Variants in ASZ1 observed in about 807,000 individuals in gnomAD.
The protein encoded by ASZ1 is ankyrin repeat, SAM and basic leucine zipper domain-containing protein 1.
In ASZ1, 67 loss-of-function variants were observed where a neutral mutation model predicts 61.8. The observed-to-expected ratio is 1.08, with a 90% CI of 0.89 to 1.33. ASZ1 has a LOEUF of 1.33. ASZ1 is among the 40% of genes most tolerant of loss of function. The pLI, the probability that ASZ1 is intolerant of heterozygous loss-of-function variation, is 0.00. For missense variants in ASZ1, 577 were observed against 554.5 expected (o/e 1.04, Z -0.41); for synonymous variants, 193 against 192.7 (o/e 1.00, Z -0.01).
intron 4 of ASZ1, among the ~76,000 whole-genome samples, chr7:117,393,050 T>C (rs938169729): frequency 7.9e-5 from 12 of 152,038 alleles, no homozygotes; most frequent in African/African-American, 2.9e-4. Context: ...TTTCACCACG[T>C]TGGCCAGGCT....
intron 4 of ASZ1, among the ~76,000 whole-genome samples, chr7:117,399,782 T>C (rs969139069): frequency 1.3e-5 from 2 of 152,150 alleles, no homozygotes; most frequent in African/African-American, 4.8e-5. Flanking sequence ...AATTAGATAA[T>C]GGTGATGGTT....
At chr7:117,401,073 A>G (rs1796671887) in intron 4 of ASZ1, among the ~76,000 whole-genome samples, 1 of 152,222 alleles carries the variant, frequency 6.6e-6, no homozygotes, top group Non-Finnish European at 1.5e-5. Flanking sequence ...CGAAAAGCTA[A>G]TAGATGGGTT....
At chr7:117,397,403 C>T (rs1268432403) in intron 4 of ASZ1, among the ~76,000 whole-genome samples, 1 of 152,094 alleles carries the variant, frequency 6.6e-6, no homozygotes, top group Non-Finnish European at 1.5e-5. Context: ...CAAAAATGCG[C>T]AAGACTAATC....
In ASZ1 at chr7:117,426,866, C is replaced by T; in HGVS notation, c.175G>A (p.Val59Ile). The T allele has an allele frequency of 6.2e-7, 1 of 1,613,206 alleles. No homozygotes were observed. The highest frequency in any genetic ancestry group is 8.5e-7 in the Non-Finnish European group (1 of 1,179,790). Residue 59 changes from valine to isoleucine, a missense_variant, in exon 2 of 13, where the codon GTT becomes ATT. Val to Ile is a conservative substitution (Grantham distance 29). Coordinates refer to ENST00000284629, the MANE Select transcript of ASZ1 (RefSeq NM_130768.3). ...TCTAGGAGCTCCTGGACCAATGAAA[C>T]ATCTCCGATGGTCATTGCTTTCTTA... ...KFKKAMTIGD[V>I]SLVQELLDSG...
intron 4 of ASZ1, among the ~76,000 whole-genome samples, chr7:117,387,878 A>T (rs17139783): frequency 0.023 from 3,462 of 152,258 alleles, 130 homozygotes; most frequent in African/African-American, 0.079. Flanking sequence ...ATCCTTATTA[A>T]GAGAAGATCA....
At chr7:117,382,859 A>G in intron 7 of ASZ1, 127 bp downstream of exon 7, 1 of 1,072,340 alleles carries the variant, frequency 9.3e-7, no homozygotes, top group Non-Finnish European at 1.2e-6. Context: ...AAAAACCCAG[A>G]CATTTAAAAA....
intron 4 of ASZ1, among the ~76,000 whole-genome samples, chr7:117,416,890 C>G (rs550734398): frequency 6.6e-6 from 1 of 152,330 alleles, no homozygotes; most frequent in East Asian, 1.9e-4. Flanking sequence ...CTTCCATCTA[C>G]TCACTTGTAG....
At chr7:117,381,135 GT>G in intron 8 of ASZ1, 68 bp from the exon 9 acceptor site, 1 of 1,368,872 alleles carries the variant, frequency 7.3e-7, no homozygotes, top group South Asian at 1.3e-5. Context: ...GTAGGCAAAT[GT>G]TCATAAGTTA....
intron 6 of ASZ1, among the ~76,000 whole-genome samples, chr7:117,383,345 T>C (rs532901724): frequency 4.6e-5 from 7 of 152,132 alleles, no homozygotes; most frequent in African/African-American, 1.7e-4. Context: ...CAATGTATAA[T>C]AAACAAATCA....
chr7:117,407,810 T>A (rs1796815913), intron 4 of ASZ1, among the ~76,000 whole-genome samples: 1 of 152,168 alleles, frequency 6.6e-6, no homozygotes, highest in Non-Finnish European at 1.5e-5. Context: ...ACACAATACA[T>A]TAGAAGGAGG....
chr7:117,374,875 A>C (rs1796108994), intron 10 of ASZ1, among the ~76,000 whole-genome samples: 1 of 152,010 alleles, frequency 6.6e-6, no homozygotes, highest in African/African-American at 2.4e-5. Context: ...TTACTTTTGG[A>C]CTCATATGAA....
Position 117,367,430 on chromosome 7 carries a change from A to G in ASZ1, c.1197T>C (p.Thr399=). The G allele has an allele frequency of 6.4e-7, 1 of 1,558,162 alleles. No individual in the cohort carries two copies. Among genetic ancestry groups the G allele is most frequent in the Non-Finnish European group, 8.7e-7 (1 of 1,153,974 alleles). The change falls in exon 12 of 13, where the codon ACT becomes ACC. Residue 399 remains threonine, a synonymous_variant. Coordinates refer to ENST00000284629, the MANE Select transcript of ASZ1 (RefSeq NM_130768.3). ...TATTAACCAATTCTTCACAAACTGA[A>G]GTAAAATTCTGGGGAGAAGCCCATT... ...TLEWASPQNF[T]SVCEELVNNV...
chr7:117,395,001 T>C (rs1796550921), intron 4 of ASZ1, among the ~76,000 whole-genome samples: 1 of 152,210 alleles, frequency 6.6e-6, no homozygotes, highest in Admixed American at 6.5e-5. Context: ...CACTCTTTTG[T>C]TGAATTTGTT....
chr7:117,385,613 G>T, intron 5 of ASZ1, 85 bp downstream of exon 5: 1 of 1,115,160 alleles, frequency 9.0e-7, no homozygotes, highest in Non-Finnish European at 1.3e-6. Context: ...CAGCCCTTTT[G>T]TAATTATTAC....
At chr7:117,404,502 G>A (rs546593874) in intron 4 of ASZ1, among the ~76,000 whole-genome samples, 35 of 151,506 alleles carry the variant, frequency 2.3e-4, no homozygotes, top group African/African-American at 6.5e-4. Flanking sequence ...TAAGTCGAGG[G>A]TCACTTGGGC....
intron 12 of ASZ1, among the ~76,000 whole-genome samples, chr7:117,366,541 T>C (rs1380810816): frequency 6.6e-6 from 1 of 151,888 alleles, no homozygotes; most frequent in East Asian, 1.9e-4. Flanking sequence ...ACTGGAAGTG[T>C]TTTTCTTTAT....
chr7:117,385,185 CT>C (rs1234189132), intron 5 of ASZ1, among the ~76,000 whole-genome samples: 2 of 151,640 alleles, frequency 1.3e-5, no homozygotes, highest in African/African-American at 4.9e-5. Context: ...CCAGATTTTG[CT>C]GTGTGTTACA....
At chr7:117,384,687 A>T (rs1796313838) in intron 6 of ASZ1, 39 bp downstream of exon 6, 2 of 1,563,276 alleles carry the variant, frequency 1.3e-6, no homozygotes, top group East Asian at 4.8e-5. Context: ...ATAATGTGAT[A>T]TGCCACAGAA....
intron 4 of ASZ1, among the ~76,000 whole-genome samples, chr7:117,397,402 G>T (rs1226924146): frequency 6.6e-6 from 1 of 152,068 alleles, no homozygotes; most frequent in Non-Finnish European, 1.5e-5. Flanking sequence ...ACAAAAATGC[G>T]CAAGACTAAT....
Sources: allele counts gnomAD v4.1 joint callset (sites outside exome capture counted in the v4.1 genomes callset), GRCh38; gene constraint gnomAD v4.1.1; transcripts MANE v1.5; gene names NCBI Gene and HGNC (gene_info 2026-07-23, HGNC 2026-07-21).